Variants in LDHC observed in about 807,000 individuals in gnomAD.
LDHC encodes the protein lactate dehydrogenase C, also known as L-lactate dehydrogenase C chain.
A neutral mutation model predicts 30.2 loss-of-function variants in LDHC; 20 were observed. The observed-to-expected ratio is 0.66, with a 90% CI of 0.47 to 0.96. The LOEUF is 0.96. Among genes scored for constraint, LDHC ranks in the 40% least tolerant of loss-of-function variants. LDHC has a pLI of 0.00. For missense variants in LDHC, 362 were observed against 394.9 expected (o/e 0.92, Z 0.71); for synonymous variants, 139 against 132.7 (o/e 1.05, Z -0.32).
chr11:18,425,375 CATTAAAAAATTATT>C (rs1848144202), intron 3 of LDHC, among the ~76,000 whole-genome samples: 1 of 151,794 alleles, frequency 6.6e-6, no homozygotes, highest in Non-Finnish European at 1.5e-5. Context: ...TAATTTTTTT[CATTAAAAAATTATT>C]ATATTTTAGA....
chr11:18,429,060 T>TA (rs1848216352), intron 3 of LDHC, among the ~76,000 whole-genome samples: 1 of 151,636 alleles, frequency 6.6e-6, no homozygotes, highest in Non-Finnish European at 1.5e-5. Flanking sequence ...TTCTCACTCT[T>TA]AGACTCCTGA....
chr11:18,427,935 C>T (rs1848191497), intron 3 of LDHC, among the ~76,000 whole-genome samples: 1 of 151,952 alleles, frequency 6.6e-6, no homozygotes, highest in African/African-American at 2.4e-5. Flanking sequence ...TCTCTACCTC[C>T]TAAAGTGCTG....
At chr11:18,443,345 A>T (rs185664433) in intron 6 of LDHC, among the ~76,000 whole-genome samples, 14 of 152,244 alleles carry the variant, frequency 9.2e-5, no homozygotes, top group Middle Eastern at 3.4e-3. Flanking sequence ...GCGGTTTCCA[A>T]GTGTTATGGA....
At chr11:18,438,200 A>G (rs1424983335) in intron 5 of LDHC, among the ~76,000 whole-genome samples, 2 of 152,172 alleles carry the variant, frequency 1.3e-5, no homozygotes, top group African/African-American at 4.8e-5. Context: ...GGCAGAAGGC[A>G]AAGGAGGAGT....
intron 7 of LDHC, among the ~76,000 whole-genome samples, chr11:18,446,535 C>T (rs1323797897): frequency 6.6e-6 from 1 of 152,174 alleles, no homozygotes; most frequent in Admixed American, 6.5e-5. Context: ...GTTTGAAGAT[C>T]ACATTTACAG....
rs772996599 is a variant in LDHC, at chr11:18,412,801, T to C, written c.84T>C (p.Thr28=). ...NSQCKITIVG[T]GAVGMACAIS... ...AGTGTAAAATTACTATTGTTGGAAC[T>C]GGTGCCGTAGGCATGGCTTGTGCTA... Residue 28 remains threonine, a synonymous_variant, in exon 2 of 8, where the codon ACT becomes ACC. Transcript: ENST00000541669. The C allele has an allele frequency of 6.2e-7, 1 of 1,614,038 alleles. No homozygotes were observed. The highest frequency in any genetic ancestry group is 2.2e-5 in the East Asian group (1 of 44,882).
At chr11:18,413,161 AACCTCC>A (rs928824104) in intron 2 of LDHC, among the ~76,000 whole-genome samples, 2 of 151,124 alleles carry the variant, frequency 1.3e-5, no homozygotes, top group Non-Finnish European at 2.9e-5. Context: ...GGCCCACTGC[AACCTCC>A]ACCTCCCGGG....
At chr11:18,434,072 T>C (rs1395443371) in intron 4 of LDHC, among the ~76,000 whole-genome samples, 1 of 152,148 alleles carries the variant, frequency 6.6e-6, no homozygotes, top group Non-Finnish European at 1.5e-5. Flanking sequence ...CTGAATTTCT[T>C]TCTTCTACTT....
At chr11:18,442,745 CT>C (rs1302904251) in intron 6 of LDHC, among the ~76,000 whole-genome samples, 1 of 150,294 alleles carries the variant, frequency 6.7e-6, no homozygotes, top group Non-Finnish European at 1.5e-5. Flanking sequence ...TCACTGCAAC[CT>C]CCGCCTCCTG....
chr11:18,417,571 A>G (rs1227203460), intron 3 of LDHC, among the ~76,000 whole-genome samples: 1 of 152,046 alleles, frequency 6.6e-6, no homozygotes, highest in Admixed American at 6.6e-5. Context: ...TTTTTAAGAA[A>G]TTATTATTTG....
At chr11:18,433,891 A>T (rs1204095534) in intron 4 of LDHC, among the ~76,000 whole-genome samples, 1 of 152,178 alleles carries the variant, frequency 6.6e-6, no homozygotes, top group African/African-American at 2.4e-5. Context: ...CCAAATACCA[A>T]ATATGTTTTC....
At chr11:18,432,948 A>T (rs1303611001) in intron 4 of LDHC, among the ~76,000 whole-genome samples, 1 of 152,226 alleles carries the variant, frequency 6.6e-6, no homozygotes, top group Admixed American at 6.5e-5. Flanking sequence ...GGCCATTTAC[A>T]TTCAGTGTTA....
intron 7 of LDHC, among the ~76,000 whole-genome samples, chr11:18,448,777 C>G (rs1384858810): frequency 7.0e-6 from 1 of 143,620 alleles, no homozygotes; most frequent in African/African-American, 2.6e-5. Flanking sequence ...AGGGAATTCT[C>G]TTTAAACAAT....
chr11:18,446,267 G>A lies in LDHC; in HGVS notation c.768G>A (p.Val256=), dbSNP rs764742663. The stretch of plus-strand genomic sequence containing the variant: ...CCTCTTGGGCTATTGGACTGTCTGT[G>A]ATGGATTTGGTAGGATCCATTTTGA... ...GYTSWAIGLS[V]MDLVGSILKN... is the part of the protein sequence containing the mutation. Residue 256 remains valine (V), a synonymous_variant, in exon 7 of 8, where the codon GTG becomes GTA. Coordinates refer to ENST00000541669, the MANE Select transcript of LDHC (RefSeq NM_017448.5). 1.3e-6 allele frequency: 2 copies of A among 1,594,856 alleles called. No individual in the cohort carries two copies. Among genetic ancestry groups the A allele is most frequent in the Admixed American group, 1.7e-5 (1 of 59,998 alleles).
At chr11:18,449,428 TAAAAAAAAAAAAAAAAA>T (rs557136321) in intron 7 of LDHC, among the ~76,000 whole-genome samples, 12 of 48,434 alleles carry the variant, frequency 2.5e-4, no homozygotes, top group East Asian at 7.9e-4. Flanking sequence ...CACTGTCTCC[TAAAAAAAAAAAAAAAAA>T]AAAAAAAAAA....
intron 5 of LDHC, among the ~76,000 whole-genome samples, chr11:18,436,781 C>T (rs1437769848): frequency 1.3e-5 from 2 of 152,050 alleles, no homozygotes; most frequent in Non-Finnish European, 2.9e-5. Flanking sequence ...CCACTGCACC[C>T]GGCCGGGATA....
At position 18,443,460 on chromosome 11, in the gene LDHC, C is replaced by CTT. The variant is rs34546967; in HGVS notation, c.711-2734_711-2733dup. 7.1e-3 allele frequency among the ~76,000 whole-genome samples: 967 copies of CTT among 135,732 alleles called. 5 individuals are homozygous for CTT. The highest frequency in any genetic ancestry group is 0.011 in the Non-Finnish European group (728 of 63,840). The allele number at this position is 135,732 out of a possible 152,430, so 89.0% of individuals were successfully genotyped here. ...TGGTAGTTCTTTCTTTTCTTTCTTT[C>CTT]TTTTTTTTTTTTTTTTTGAGACACA... On this transcript the variant is annotated intron_variant, in intron 6 of 7. Coordinates refer to ENST00000541669, the MANE Select transcript of LDHC (RefSeq NM_017448.5).
At chr11:18,429,313 A>G (rs1024448011) in intron 3 of LDHC, among the ~76,000 whole-genome samples, 5 of 151,824 alleles carry the variant, frequency 3.3e-5, no homozygotes, top group African/African-American at 1.2e-4. Context: ...GGATTTTACC[A>G]TGTTGGCCAA....
intron 3 of LDHC, among the ~76,000 whole-genome samples, chr11:18,428,166 C>CTTTTTTTTTTTTTTTTT (rs35861956): frequency 2.1e-5 from 2 of 94,830 alleles, no homozygotes; most frequent in East Asian, 3.5e-4. Flanking sequence ...CTTTCTCTCT[C>CTTTTTTTTTTTTTTTTT]TTTTTTTTTT....
Sources: gnomAD v4.1 joint callset for allele counts (sites outside exome capture counted in the v4.1 genomes callset) on GRCh38, gnomAD v4.1.1 for gene constraint, MANE v1.5 for transcripts, NCBI Gene and HGNC (gene_info 2026-07-23, HGNC 2026-07-21) for gene names.